Variants in SPTBN2 observed in about 807,000 individuals in gnomAD.
The protein encoded by SPTBN2 is spectrin beta, non-erythrocytic 2, also known as spectrin beta chain, non-erythrocytic 2.
In SPTBN2, 107 loss-of-function variants were observed where a neutral mutation model predicts 284.2. The observed-to-expected ratio is 0.38, with a 90% CI of 0.32 to 0.44. The LOEUF (loss-of-function observed/expected upper bound fraction) is 0.44, where lower values mean the gene tolerates loss of function less well. SPTBN2 is among the 20% of genes least tolerant of loss of function. SPTBN2 has a pLI of 1.00. For synonymous variants in SPTBN2, 1,289 were observed against 1,354.8 expected (o/e 0.95, Z 1.07); for missense variants, 2,569 against 3,287.1 (o/e 0.78, Z 5.34).
rs1043859534 is a variant in SPTBN2, at chr11:66,743,659, T to C, written c.-475+883A>G. 8.5e-5 allele frequency among the ~76,000 whole-genome samples: 13 copies of C among 152,110 alleles called. 2 individuals carry two copies. The highest frequency in any genetic ancestry group is 7.9e-4 in the Admixed American group (12 of 15,262). On this transcript the variant is annotated intron_variant, in intron 1 of 37. Transcript: ENST00000611817. ...TCCTTATTCCAGCCAGGAATGCACT[T>C]GGAAAACCCCAGAGCTTCTCCTGTC...
intron 20 of SPTBN2, 45 bp from the exon 21 acceptor site, chr11:66,696,585 A>AC (rs1252565422): frequency 2.5e-6 from 4 of 1,605,620 alleles, no homozygotes; most frequent in Admixed American, 1.7e-5. Flanking sequence ...AATTAGCCTG[A>AC]ACTTTAGAGG....
At chr11:66,716,817 C>T (rs1029903091) in intron 3 of SPTBN2, among the ~76,000 whole-genome samples, 3 of 152,174 alleles carry the variant, frequency 2.0e-5, no homozygotes, top group Non-Finnish European at 4.4e-5. Flanking sequence ...GCTGCCCAGG[C>T]CGGTGGGAGG....
Position 66,700,431 on chromosome 11 carries a change from C to T in SPTBN2, c.3573+95G>A, listed in dbSNP as rs991188033. ...TGAACCACTGCGCTGCCCCATTTTG[C>T]TAGCATGTCCTTCCTGCCCATCCTG... On this transcript the variant is annotated intron_variant, in intron 17 of 37. Transcript: ENST00000533211. The surrounding 1 kb of genome is among the most constrained non-coding windows in gnomAD (Gnocchi z 6.6). 170 of 1,562,394 alleles carry T rather than the reference C, an allele frequency of 1.1e-4. No individual in the cohort carries two copies. The highest frequency in any genetic ancestry group is 1.5e-4 in the Non-Finnish European group (167 of 1,150,964).
intron 1 of SPTBN2, among the ~76,000 whole-genome samples, chr11:66,722,025 CTTGAG>C (rs571783831): frequency 2.8e-3 from 420 of 152,100 alleles, no homozygotes; most frequent in Admixed American, 4.8e-3. Flanking sequence ...AGATTCTGCT[CTTGAG>C]TTAAGAAAAA....
chr11:66,707,072 G>A lies in SPTBN2; in HGVS notation c.1653+444C>T, dbSNP rs1357529659. Among the ~76,000 whole-genome samples the A allele has an allele frequency of 6.6e-6, 1 of 152,218 alleles. No individual in the cohort carries two copies. The highest frequency in any genetic ancestry group is 1.5e-5 in the Non-Finnish European group (1 of 68,040). On this transcript the variant is annotated intron_variant, in intron 13 of 37. Coordinates refer to ENST00000533211, the MANE Select transcript of SPTBN2 (RefSeq NM_006946.4). This position sits in a 1 kb window ranked among gnomAD's most constrained non-coding sequence, Gnocchi z 4.9. ...CCACTCCTCATGCTCACAGCCCACC[G>A]GCCTTCCTTCTGATCCTGAACACAC...
chr11:66,690,916 C>G (rs1360362596), intron 27 of SPTBN2, among the ~76,000 whole-genome samples: 1 of 152,166 alleles, frequency 6.6e-6, no homozygotes, highest in Non-Finnish European at 1.5e-5. Context: ...CTCCTGGGTT[C>G]AAGTGATTCT....
intron 1 of SPTBN2, among the ~76,000 whole-genome samples, chr11:66,738,304 T>C (rs1942869783): frequency 6.6e-6 from 1 of 152,192 alleles, no homozygotes; most frequent in Admixed American, 6.6e-5. Context: ...TAACTATATT[T>C]CTGGGAGGAT....
At chr11:66,744,367 C>G (rs1942937010) in intron 1 of SPTBN2, 1 of 153,604 alleles carries the variant, frequency 6.5e-6, no homozygotes, top group Non-Finnish European at 1.5e-5. Flanking sequence ...GGTCACGAAC[C>G]CGCTTGGTAG....
intron 3 of SPTBN2, among the ~76,000 whole-genome samples, chr11:66,720,123 A>G (rs1385043110): frequency 6.6e-6 from 1 of 152,204 alleles, no homozygotes; most frequent in East Asian, 1.9e-4. Context: ...TGTAAAAAAC[A>G]TCCCTGGGTG....
chr11:66,716,709 T>C (rs1006136918), intron 3 of SPTBN2, among the ~76,000 whole-genome samples: 1 of 152,092 alleles, frequency 6.6e-6, no homozygotes, highest in Non-Finnish European at 1.5e-5. Context: ...TTAAATGAGA[T>C]AAGGTATATA....
chr11:66,702,855 G>A (rs1320936885), intron 15 of SPTBN2, among the ~76,000 whole-genome samples: 3 of 143,480 alleles, frequency 2.1e-5, no homozygotes, highest in East Asian at 2.4e-4. Flanking sequence ...GGAGAATGGC[G>A]TGAACCCGGG....
rs544933849 is a variant in SPTBN2 at position 66,707,114 on chromosome 11, G to A, written c.1653+402C>T. ...TGAACACACCATGCTGATCCAGGCC[G>A]AGGGCCTGTGCCGGCTGTTCCTTCT... On this transcript the variant is annotated intron_variant, in intron 13 of 37. Transcript: ENST00000533211. The surrounding 1 kb of genome is among the most constrained non-coding windows in gnomAD (Gnocchi z 4.9). Among the ~76,000 whole-genome samples the A allele has an allele frequency of 1.8e-4, 27 of 152,346 alleles. No homozygotes were observed. In the Middle Eastern group the frequency reaches 0.01, roughly 58 times the overall value.
chr11:66,726,318 C>T (rs1221756010), intron 1 of SPTBN2, among the ~76,000 whole-genome samples: 1 of 152,218 alleles, frequency 6.6e-6, no homozygotes, highest in African/African-American at 2.4e-5. Context: ...TGAATCACAA[C>T]AACCTGGAGG....
chr11:66,721,167 C>T lies in SPTBN2; in HGVS notation c.74G>A (p.Arg25His). Residue 25 changes from arginine to histidine, a missense_variant, in exon 3 of 38, where the codon CGC becomes CAC. Physicochemically the swap from Arg to His is conservative, Grantham distance 29. Around this residue, in one of 6 missense-constraint regions of SPTBN2, gnomAD observed 304 missense variants for 522.1 expected, o/e 0.58. Coordinates refer to ENST00000533211, the MANE Select transcript of SPTBN2 (RefSeq NM_006946.4). ...IQGQYSDINNRWDLPDSDWDN... is the reference protein window; with the variant it reads ...IQGQYSDINNHWDLPDSDWDN... ...CCAGTCCGAGTCAGGAAGGTCCCAG[C>T]GGTTGTTGATGTCACTGTACTGGCC... 3.7e-6 allele frequency: 6 copies of T among 1,614,108 alleles called. No individual in the cohort carries two copies. Among genetic ancestry groups the T allele is most frequent in the East Asian group, 2.2e-5 (1 of 44,882 alleles).
chr11:66,719,239 T>C (rs2135548485), intron 3 of SPTBN2, among the ~76,000 whole-genome samples: 1 of 152,342 alleles, frequency 6.6e-6, no homozygotes, highest in South Asian at 2.1e-4. Context: ...GCTGTTACCA[T>C]CCTTTCCACT....
rs1378761066 is a variant in SPTBN2, at chr11:66,698,977, C to T, written c.3867+15G>A. ...GGATGGCTAGGGAATATCCCGGGGC[C>T]CCAGGGAGCCTCACCTCGTGACAAT... On this transcript the variant is annotated intron_variant, in intron 19 of 37. Transcript: ENST00000533211. 7.4e-6 allele frequency: 12 copies of T among 1,614,086 alleles called. No individual in the cohort carries two copies. The highest frequency in any genetic ancestry group is 5.5e-5 in the South Asian group (5 of 91,076).
chr11:66,728,174 C>T (rs1446638708), intron 1 of SPTBN2: 1 of 145,920 alleles, frequency 6.9e-6, no homozygotes, highest in Non-Finnish European at 1.5e-5. Context: ...GGCGCGGAGC[C>T]GCGGCCGGGC....
intron 21 of SPTBN2, among the ~76,000 whole-genome samples, chr11:66,694,780 C>T (rs1359171185): frequency 6.6e-6 from 1 of 152,242 alleles, no homozygotes; most frequent in East Asian, 1.9e-4. Context: ...GACACTGGAA[C>T]TGGCCCCTGG....
intron 8 of SPTBN2, among the ~76,000 whole-genome samples, chr11:66,711,243 C>A (rs1941847984): frequency 6.6e-6 from 1 of 152,184 alleles, no homozygotes; most frequent in African/African-American, 2.4e-5. Context: ...GCCCTCCAAG[C>A]AGAGCACAAA....
Sources: allele counts gnomAD v4.1 joint callset (sites outside exome capture counted in the v4.1 genomes callset), GRCh38; gene constraint gnomAD v4.1.1; regional missense constraint gnomAD v4.1.1; non-coding constraint Gnocchi (gnomAD v3.1); transcripts MANE v1.5; gene names NCBI Gene and HGNC (gene_info 2026-07-23, HGNC 2026-07-21).